The following LRMDA variants were observed in gnomAD, a reference collection of about 807,000 sequenced individuals.
LRMDA encodes the protein leucine-rich melanocyte differentiation-associated protein.
LRMDA carries 18 observed loss-of-function variants against 29.8 expected under a neutral mutation model. The ratio of observed to expected loss-of-function variants is 0.60; its 90% CI spans 0.42 to 0.90. The LOEUF is 0.90. LRMDA is among the 40% of genes least tolerant of loss of function. The pLI, the probability that LRMDA is intolerant of heterozygous loss-of-function variation, is 0.00. For synonymous variants in LRMDA, 125 were observed against 109.4 expected, an observed-to-expected ratio of 1.14 and a Z score of -0.89; for missense variants, 273 against 273.9, an observed-to-expected ratio of 1.00 and a Z score of 0.02.
intron 2 of LRMDA, among the ~76,000 whole-genome samples, chr10:75,884,265 GT>G (rs1845343504): frequency 6.7e-6 from 1 of 150,222 alleles, no homozygotes; most frequent in African/African-American, 2.5e-5. Context: ...GTGTGTGTGT[GT>G]GTGTGTGTGT....
intron 2 of LRMDA, among the ~76,000 whole-genome samples, chr10:75,535,029 G>A (rs1839930374): frequency 6.6e-6 from 1 of 152,062 alleles, no homozygotes; most frequent in Non-Finnish European, 1.5e-5. Context: ...CCACCATGAA[G>A]AGGCTTAGTG....
At chr10:76,049,763 T>C (rs1848499128) in intron 4 of LRMDA, among the ~76,000 whole-genome samples, 1 of 152,202 alleles carries the variant, frequency 6.6e-6, no homozygotes, top group African/African-American at 2.4e-5. Context: ...TTTTTTTCTT[T>C]TGGTAAAACA....
intron 5 of LRMDA, among the ~76,000 whole-genome samples, chr10:76,220,970 T>C (rs4356169): frequency 0.37 from 56,465 of 150,944 alleles, 11,869 homozygotes; most frequent in African/African-American, 0.57. Flanking sequence ...GTTCAATATA[T>C]GCAAATCAAT....
chr10:75,624,019 G>A (rs1022520690), intron 2 of LRMDA, among the ~76,000 whole-genome samples: 1 of 152,140 alleles, frequency 6.6e-6, no homozygotes, highest in East Asian at 1.9e-4. Flanking sequence ...GGAATATACG[G>A]AGCAAAATTA....
chr10:76,143,165 T>C (rs1379411367), intron 5 of LRMDA, among the ~76,000 whole-genome samples: 1 of 152,204 alleles, frequency 6.6e-6, no homozygotes, highest in East Asian at 1.9e-4. Flanking sequence ...TGTGCATGTG[T>C]CTTTATAGCA....
At chr10:76,389,985 G>A (rs760972066) in intron 6 of LRMDA, among the ~76,000 whole-genome samples, 6 of 151,980 alleles carry the variant, frequency 3.9e-5, no homozygotes, top group South Asian at 2.1e-4. Flanking sequence ...CCTTGTTTCC[G>A]ATTCTTCTGA....
At chr10:75,828,101 G>A (rs1844277137) in intron 2 of LRMDA, among the ~76,000 whole-genome samples, 1 of 152,120 alleles carries the variant, frequency 6.6e-6, no homozygotes, top group Non-Finnish European at 1.5e-5. Context: ...GCCCTATACT[G>A]TCTCCTTTGA....
chr10:75,826,691 T>A (rs1399436062), intron 2 of LRMDA, among the ~76,000 whole-genome samples: 1 of 152,224 alleles, frequency 6.6e-6, no homozygotes, highest in African/African-American at 2.4e-5. Flanking sequence ...TTGTGGCATA[T>A]TTAAGTAAAC....
At chr10:75,729,704 C>T (rs1842672004) in intron 2 of LRMDA, among the ~76,000 whole-genome samples, 1 of 152,148 alleles carries the variant, frequency 6.6e-6, no homozygotes. Flanking sequence ...CATGATTGAA[C>T]AAGGACAGGA....
At chr10:75,439,701 T>C (rs148416471) in intron 2 of LRMDA, among the ~76,000 whole-genome samples, 32 of 152,260 alleles carry the variant, frequency 2.1e-4, no homozygotes, top group Middle Eastern at 3.4e-3. Flanking sequence ...CCCAAAGGGT[T>C]TGTGTGCATC....
At chr10:75,813,266 C>G (rs1843996321) in intron 2 of LRMDA, among the ~76,000 whole-genome samples, 1 of 152,182 alleles carries the variant, frequency 6.6e-6, no homozygotes, top group Non-Finnish European at 1.5e-5. Flanking sequence ...TGGGAGGTCA[C>G]TGCTTCCATG....
chr10:76,555,977 A>G (rs1843552232), intron 6 of LRMDA, among the ~76,000 whole-genome samples: 1 of 152,316 alleles, frequency 6.6e-6, no homozygotes, highest in East Asian at 1.9e-4. Context: ...ACTCTGTCCA[A>G]CTGAATTTAA....
At chr10:76,266,682 C>T (rs556839243) in intron 5 of LRMDA, among the ~76,000 whole-genome samples, 2 of 152,074 alleles carry the variant, frequency 1.3e-5, no homozygotes, top group Admixed American at 6.6e-5. Flanking sequence ...TATCCTGCAT[C>T]TTTATTTATA....
At chr10:76,111,631 C>T (rs1166602091) in intron 5 of LRMDA, among the ~76,000 whole-genome samples, 1 of 152,204 alleles carries the variant, frequency 6.6e-6, no homozygotes, top group Non-Finnish European at 1.5e-5. Context: ...ATTAGGCACC[C>T]ACTTTTGAAG....
chr10:76,047,945 A>G (rs1393343898), intron 4 of LRMDA, among the ~76,000 whole-genome samples: 2 of 152,154 alleles, frequency 1.3e-5, no homozygotes, highest in East Asian at 3.9e-4. Context: ...CTTCTCAACC[A>G]TGTGCTTTAA....
chr10:75,999,874 G>A (rs1401805302), intron 2 of LRMDA, among the ~76,000 whole-genome samples: 1 of 152,094 alleles, frequency 6.6e-6, no homozygotes, highest in African/African-American at 2.4e-5. Flanking sequence ...ACTTTATTTC[G>A]ATATTTTCTT....
intron 5 of LRMDA, among the ~76,000 whole-genome samples, chr10:76,067,007 C>A (rs1848795581): frequency 6.6e-6 from 1 of 152,178 alleles, no homozygotes; most frequent in African/African-American, 2.4e-5. Context: ...TGTCAGTGCT[C>A]AGGCAGCTAC....
intron 2 of LRMDA, among the ~76,000 whole-genome samples, chr10:75,882,227 T>G (rs1845306484): frequency 6.6e-6 from 1 of 152,068 alleles, no homozygotes; most frequent in Non-Finnish European, 1.5e-5. Flanking sequence ...GCCTCACAGG[T>G]GGTGGCCAGG....
chr10:76,327,191 AAGCGATTCTCCTGCCTC>A (rs1455355718), intron 6 of LRMDA, among the ~76,000 whole-genome samples: 2 of 150,502 alleles, frequency 1.3e-5, no homozygotes, highest in Admixed American at 1.3e-4. Context: ...TCCTGGGTTC[AAGCGATTCTCCTGCCTC>A]AGCCTCCTGA....
Sources: gnomAD v4.1 joint callset for allele counts (sites outside exome capture counted in the v4.1 genomes callset) on GRCh38, gnomAD v4.1.1 for gene constraint, MANE v1.5 for transcripts, NCBI Gene and HGNC (gene_info 2026-07-23, HGNC 2026-07-21) for gene names.